STARD9: variants seen among roughly 807,000 people sequenced by gnomAD.
STARD9 encodes the protein StAR related lipid transfer domain containing 9.
STARD9 carries 346 observed loss-of-function variants against 399.8 expected under a neutral mutation model. The ratio of observed to expected loss-of-function variants is 0.87; its 90% CI spans 0.79 to 0.95. STARD9 has a LOEUF of 0.95. Ranked by LOEUF, STARD9 falls within the 40% of genes least tolerant of loss-of-function variation. The pLI is 0.00. For missense variants in STARD9, 5,832 were observed against 5,667.5 expected (o/e 1.03, Z -0.93); for synonymous variants, 2,203 against 2,143.5 (o/e 1.03, Z -0.77).
chr15:42,653,246 T>C (rs2059799793), intron 9 of STARD9, among the ~76,000 whole-genome samples: 2 of 152,202 alleles, frequency 1.3e-5, no homozygotes, highest in African/African-American at 4.8e-5. Flanking sequence ...TTCACTTCCA[T>C]TGTGATGGAT....
intron 3 of STARD9, among the ~76,000 whole-genome samples, chr15:42,592,095 T>C (rs2058408076): frequency 6.6e-6 from 1 of 152,196 alleles, no homozygotes; most frequent in African/African-American, 2.4e-5. Flanking sequence ...TCTCTTTATG[T>C]ATATTTGATA....
At chr15:42,634,207 AT>A (rs1373753556) in intron 3 of STARD9, among the ~76,000 whole-genome samples, 2 of 152,206 alleles carry the variant, frequency 1.3e-5, no homozygotes, top group Non-Finnish European at 2.9e-5. Flanking sequence ...AAAGCTGGCT[AT>A]TTTTTCCTGA....
chr15:42,682,068 A>G, intron 21 of STARD9, 36 bp from the exon 22 acceptor site: 3 of 1,381,666 alleles, frequency 2.2e-6, no homozygotes, highest in Non-Finnish European at 2.0e-6. Context: ...AGGGAAGGAG[A>G]TGCTGAAATT....
intron 3 of STARD9, among the ~76,000 whole-genome samples, chr15:42,586,593 C>T (rs1231532465): frequency 6.6e-6 from 1 of 152,208 alleles, no homozygotes; most frequent in Non-Finnish European, 1.5e-5. Flanking sequence ...CTTGCCCCAG[C>T]AGCTATCAGG....
chr15:42,703,300 T>G (rs1377737974), intron 26 of STARD9, among the ~76,000 whole-genome samples: 1 of 152,158 alleles, frequency 6.6e-6, no homozygotes, highest in African/African-American at 2.4e-5. Flanking sequence ...TCTACTCCCC[T>G]CCGTTCTCAT....
chr15:42,633,929 C>T (rs769686927), intron 3 of STARD9, among the ~76,000 whole-genome samples: 25 of 152,112 alleles, frequency 1.6e-4, no homozygotes, highest in Non-Finnish European at 3.1e-4. Context: ...CAGGCCTGAG[C>T]CACCGCGCCT....
chr15:42,604,292 A>C (rs2058687306), intron 3 of STARD9, among the ~76,000 whole-genome samples: 4 of 152,160 alleles, frequency 2.6e-5, no homozygotes. Flanking sequence ...AATCAACATC[A>C]AATTTGATTT....
chr15:42,680,300 A>G (rs572945099), intron 20 of STARD9, among the ~76,000 whole-genome samples: 1 of 152,290 alleles, frequency 6.6e-6, no homozygotes, highest in East Asian at 1.9e-4. Context: ...AGGCATGACT[A>G]AAATCTAGAA....
chr15:42,704,000 C>T lies in STARD9; in HGVS notation c.13284+8120C>T, dbSNP rs553011770. 5.4e-4 allele frequency among the ~76,000 whole-genome samples: 82 copies of T among 151,998 alleles called. No individual in the cohort carries two copies. In the South Asian group the frequency reaches 0.015, roughly 27 times the overall value. On this transcript the variant is annotated intron_variant, in intron 26 of 32. Transcript: ENST00000290607. ...TTGGCTCACGGCAACCTCCGCCTCC[C>T]GGGTTCAAGCGATTCTCCTGCCTCA...
chr15:42,715,923 C>T (rs2061340932), intron 26 of STARD9, among the ~76,000 whole-genome samples: 1 of 152,192 alleles, frequency 6.6e-6, no homozygotes, highest in South Asian at 2.1e-4. Context: ...AGGCTTCTGA[C>T]AGGGCAGCGT....
At position 42,662,844 on chromosome 15, in the gene STARD9, A is replaced by G. The variant is rs1294392577; in HGVS notation, c.821A>G (p.Asn274Ser). The G allele has an allele frequency of 2.6e-6, 4 of 1,537,410 alleles. No individual in the cohort carries two copies. The highest frequency in any genetic ancestry group is 3.9e-5 in the Admixed American group (2 of 50,978). ...YCKDRIAEGA[N>S]INKSLVTLGI... is the part of the protein sequence containing the mutation. ...AAGGACCGCATTGCTGAAGGAGCCAATATCAACAAGTCCCTTGTGACTCTA... is the reference window on the plus strand; with the variant it reads ...AAGGACCGCATTGCTGAAGGAGCCAGTATCAACAAGTCCCTTGTGACTCTA... Residue 274 changes from asparagine (N) to serine (S), a missense_variant, in exon 11 of 33, where the codon AAT (asparagine) becomes AGT (serine). Around this residue, in one of 2 missense-constraint regions of STARD9, gnomAD observed 5,828 missense variants for 5,651.1 expected, o/e 1.03. Coordinates refer to ENST00000290607, the MANE Select transcript of STARD9 (RefSeq NM_020759.3).
chr15:42,685,360 C>A lies in STARD9; in HGVS notation c.3782C>A (p.Thr1261Lys). 3 of 1,537,264 alleles carry A rather than the reference C, an allele frequency of 2.0e-6. No individual in the cohort carries two copies. Among genetic ancestry groups the A allele is most frequent in the Middle Eastern group, 1.7e-4 (1 of 5,990 alleles). The part of the protein sequence containing the change: ...ICRLGPINYR[T>K]AARLDAVLPM... ...AGGCTTGGTCCCATCAACTACAGAACAGCAGCTAGGCTGGATGCCGTCCTG... is the reference window on the plus strand; with the variant it reads ...AGGCTTGGTCCCATCAACTACAGAAAAGCAGCTAGGCTGGATGCCGTCCTG... Residue 1261 changes from threonine (T) to lysine (K), a missense_variant, in exon 23 of 33, where the codon ACA (threonine) becomes AAA (lysine). Physicochemically the swap from Thr to Lys is moderately conservative, Grantham distance 78. Transcript: ENST00000290607.
intron 3 of STARD9, among the ~76,000 whole-genome samples, chr15:42,628,934 T>A (rs2059277307): frequency 6.6e-6 from 1 of 152,168 alleles, no homozygotes; most frequent in African/African-American, 2.4e-5. Flanking sequence ...TCAATAAAAA[T>A]TTTAGGATTG....
chr15:42,577,996 T>C (rs1379712057), intron 1 of STARD9, among the ~76,000 whole-genome samples: 1 of 152,214 alleles, frequency 6.6e-6, no homozygotes, highest in Non-Finnish European at 1.5e-5. Context: ...CTAAAAGTAG[T>C]AAGAGCCAAG....
intron 7 of STARD9, among the ~76,000 whole-genome samples, chr15:42,643,807 T>C (rs2141959493): frequency 6.6e-6 from 1 of 152,358 alleles, no homozygotes; most frequent in Non-Finnish European, 1.5e-5. Flanking sequence ...AGCATGACTT[T>C]AGCTGTATTG....
intron 9 of STARD9, among the ~76,000 whole-genome samples, chr15:42,657,066 A>G (rs1166900775): frequency 6.6e-6 from 1 of 152,116 alleles, no homozygotes; most frequent in Non-Finnish European, 1.5e-5. Context: ...GGCAAAAAAT[A>G]GGTTTTAAGG....
intron 7 of STARD9, among the ~76,000 whole-genome samples, chr15:42,647,104 T>C (rs903312450): frequency 1.3e-5 from 2 of 152,196 alleles, no homozygotes; most frequent in East Asian, 3.8e-4. Context: ...ATAACAGATA[T>C]AATAATAATG....
Position 42,689,097 on chromosome 15 carries a change from A to T in STARD9, c.7519A>T (p.Lys2507Ter). ...TGACCAAGCCAGCAAGCCAAGGCAG[A>T]AGGCAGAGAAGGAGACTGAGGACGT... ...DSDQASKPRQKAEKETEDVGL... is the reference protein window; with the variant it reads ...DSDQASKPRQ The change falls in exon 23 of 33, where the codon AAG becomes TAG. Residue 2507 changes from lysine to a stop codon, truncating the protein, a stop_gained. Transcript: ENST00000290607. LOFTEE classifies it high-confidence loss of function. The T allele has an allele frequency of 6.5e-7, 1 of 1,537,306 alleles. No individual in the cohort carries two copies. Among genetic ancestry groups the T allele is most frequent in the Non-Finnish European group, 8.7e-7 (1 of 1,146,916 alleles).
chr15:42,608,501 A>C (rs1291232682), intron 3 of STARD9, among the ~76,000 whole-genome samples: 1 of 152,170 alleles, frequency 6.6e-6, no homozygotes, highest in African/African-American at 2.4e-5. Flanking sequence ...ATTTAGACTA[A>C]ACAGTATTAA....
Sources: gnomAD v4.1 joint callset for allele counts (sites outside exome capture counted in the v4.1 genomes callset) on GRCh38, gnomAD v4.1.1 for gene constraint, gnomAD v4.1.1 regional missense constraint, MANE v1.5 for transcripts, NCBI Gene and HGNC (gene_info 2026-07-23, HGNC 2026-07-21) for gene names.